Variants in BMP5 observed in about 807,000 individuals in gnomAD.
BMP5 encodes the protein bone morphogenetic protein 5.
A neutral mutation model predicts 46.6 loss-of-function variants in BMP5; 23 were observed. The observed-to-expected ratio is 0.49, with a 90% CI of 0.35 to 0.70. The LOEUF is 0.70. BMP5 is among the 30% of genes least tolerant of loss of function. The probability of loss-of-function intolerance (pLI) is 0.00; values close to 1 mark genes in which losing one functional copy is unlikely to be tolerated. For missense variants in BMP5, 545 were observed against 565.6 expected (o/e 0.96, Z 0.37); for synonymous variants, 204 against 191.9 (o/e 1.06, Z -0.52).
rs545063174 is a variant in BMP5, at chr6:55,756,640, T to C, written c.1216-958A>G. On this transcript the variant is annotated intron_variant, in intron 6 of 6. Transcript: ENST00000370830. ...ATACAGCCTCTTACAGTTTTGGCTG[T>C]ACAACGTCCTGGCTGAAATGATATA... 2.2e-4 allele frequency among the ~76,000 whole-genome samples: 33 copies of C among 152,002 alleles called. No homozygotes were observed. In the South Asian group the frequency reaches 5.6e-3, roughly 26 times the overall value.
intron 3 of BMP5, among the ~76,000 whole-genome samples, chr6:55,777,248 C>G (rs1458855971): frequency 6.6e-6 from 1 of 151,646 alleles, no homozygotes; most frequent in African/African-American, 2.4e-5. Context: ...CTGAGAGAAA[C>G]CCAGACTACA....
chr6:55,780,704 G>A (rs1354353539), intron 3 of BMP5, among the ~76,000 whole-genome samples: 1 of 151,968 alleles, frequency 6.6e-6, no homozygotes, highest in Non-Finnish European at 1.5e-5. Flanking sequence ...GGGATATTTG[G>A]TCAGAAACAT....
At position 55,764,344 on chromosome 6, in the gene BMP5, A is replaced by C. The variant is rs568979571; in HGVS notation, c.1028-3811T>G. Among the ~76,000 whole-genome samples, 28 of 152,178 alleles carry C rather than the reference A, an allele frequency of 1.8e-4. No homozygotes were observed. In the East Asian group the frequency reaches 1.9e-3, roughly 11 times the overall value. ...ATCCCAGCACTTTGGGAGGCCAAGG[A>C]GGGCGGATCACGAGGTCAGAAGATC... On this transcript the variant is annotated intron_variant, in intron 4 of 6. Coordinates refer to ENST00000370830, the MANE Select transcript of BMP5 (RefSeq NM_021073.4).
chr6:55,771,225 T>C (rs1775039817), intron 4 of BMP5, among the ~76,000 whole-genome samples: 1 of 151,884 alleles, frequency 6.6e-6, no homozygotes, highest in Non-Finnish European at 1.5e-5. Context: ...CATCATGTTC[T>C]GGAGGTTTTT....
At chr6:55,804,733 G>T (rs1225380532) in intron 2 of BMP5, among the ~76,000 whole-genome samples, 2 of 152,010 alleles carry the variant, frequency 1.3e-5, no homozygotes, top group Non-Finnish European at 2.9e-5. Flanking sequence ...AGAAAGAGAA[G>T]GAATTGAAAG....
At position 55,774,155 on chromosome 6, in the gene BMP5, C is replaced by A. The variant is rs575324695; in HGVS notation, c.921G>T (p.Ala307=). The change falls in exon 4 of 7, where the codon GCG becomes GCT. Residue 307 remains alanine (A), a synonymous_variant. Coordinates refer to ENST00000370830, the MANE Select transcript of BMP5 (RefSeq NM_021073.4). Reference sequence around the variant, plus strand: ...TCACGGATCGAAGAAGTACCTCACTCGCCTTGAAGAAGGCCACCATGAATG... The same window carrying A: ...TCACGGATCGAAGAAGTACCTCACTAGCCTTGAAGAAGGCCACCATGAATG... ...KQPFMVAFFK[A]SEVLLRSVRA... The A allele has an allele frequency of 1.9e-6, 3 of 1,613,128 alleles. No homozygotes were observed. In the Admixed American group the frequency reaches 5.0e-5, roughly 27 times the overall value.
In BMP5 at chr6:55,797,959, A is replaced by C. The variant is rs559662819; in HGVS notation, c.684-3532T>G. 2.0e-5 allele frequency among the ~76,000 whole-genome samples: 3 copies of C among 152,194 alleles called. No homozygotes were observed. In the South Asian group the frequency reaches 6.2e-4, roughly 32 times the overall value. On this transcript the variant is annotated intron_variant, in intron 2 of 6. Coordinates refer to ENST00000370830, the MANE Select transcript of BMP5 (RefSeq NM_021073.4). Reference sequence around the variant, plus strand: ...AACAAAATACCAGACTAGAGTTTGCAATTGATTTTCTCTCATTTCTGGAGG... The same window carrying C: ...AACAAAATACCAGACTAGAGTTTGCCATTGATTTTCTCTCATTTCTGGAGG...
chr6:55,865,456 CT>C, intron 1 of BMP5: 2 of 492,920 alleles, frequency 4.1e-6, no homozygotes, highest in Non-Finnish European at 8.1e-6. Context: ...GAAAATGTTG[CT>C]TTTGGGTCCT....
intron 1 of BMP5, among the ~76,000 whole-genome samples, chr6:55,838,235 T>G (rs1369143408): frequency 6.6e-6 from 1 of 152,166 alleles, no homozygotes; most frequent in Non-Finnish European, 1.5e-5. Flanking sequence ...TCCATAGTGG[T>G]TATACTAATT....
intron 1 of BMP5, among the ~76,000 whole-genome samples, chr6:55,825,317 C>A (rs191818535): frequency 1.3e-5 from 2 of 151,882 alleles, no homozygotes; most frequent in Admixed American, 6.6e-5. Context: ...AAATAGAAAA[C>A]TCAACTGCAC....
At chr6:55,803,694 T>C (rs9475411) in intron 2 of BMP5, among the ~76,000 whole-genome samples, 7 of 152,214 alleles carry the variant, frequency 4.6e-5, no homozygotes, top group African/African-American at 9.6e-5. Context: ...CCACAATTCC[T>C]TCTGCAAGAT....
chr6:55,833,380 A>G (rs1254597156), intron 1 of BMP5, among the ~76,000 whole-genome samples: 2 of 152,220 alleles, frequency 1.3e-5, no homozygotes, highest in African/African-American at 4.8e-5. Context: ...ACATATCAAC[A>G]TCACTAACCA....
At chr6:55,794,167 T>A in intron 3 of BMP5, 112 bp downstream of exon 3, 1 of 1,179,878 alleles carries the variant, frequency 8.5e-7, no homozygotes, top group Admixed American at 2.1e-5. Context: ...TAGAATGCGT[T>A]GACTTGGACA....
chr6:55,804,080 A>G (rs1284978978), intron 2 of BMP5, among the ~76,000 whole-genome samples: 2 of 152,232 alleles, frequency 1.3e-5, no homozygotes, highest in Admixed American at 1.3e-4. Flanking sequence ...CTTATCAATC[A>G]CTATCTAGCT....
At chr6:55,799,821 A>G (rs752156123) in intron 2 of BMP5, among the ~76,000 whole-genome samples, 22 of 151,966 alleles carry the variant, frequency 1.4e-4, no homozygotes, top group Non-Finnish European at 3.2e-4. Flanking sequence ...CCTATTAAAT[A>G]TTTCTTCCAA....
intron 2 of BMP5, among the ~76,000 whole-genome samples, chr6:55,799,716 T>C (rs921323168): frequency 6.6e-6 from 1 of 152,208 alleles, no homozygotes; most frequent in Non-Finnish European, 1.5e-5. Flanking sequence ...ACAGCTCCCT[T>C]CTGAACCATC....
intron 1 of BMP5, among the ~76,000 whole-genome samples, chr6:55,841,999 A>G (rs1384195233): frequency 6.6e-6 from 1 of 152,102 alleles, no homozygotes; most frequent in Non-Finnish European, 1.5e-5. Context: ...GCTAATTCAA[A>G]TATCTGTATC....
chr6:55,806,579 A>G (rs1037232962), intron 2 of BMP5, among the ~76,000 whole-genome samples: 4 of 152,178 alleles, frequency 2.6e-5, no homozygotes, highest in African/African-American at 9.7e-5. Flanking sequence ...TATGAAATTT[A>G]AAGTAGTTTT....
intron 1 of BMP5, among the ~76,000 whole-genome samples, chr6:55,864,532 C>G (rs1777595396): frequency 6.6e-6 from 1 of 152,012 alleles, no homozygotes; most frequent in Non-Finnish European, 1.5e-5. Flanking sequence ...GAATGGGCTG[C>G]CTGATCTTAG....
Sources: gnomAD v4.1 joint callset for allele counts (sites outside exome capture counted in the v4.1 genomes callset) on GRCh38, gnomAD v4.1.1 for gene constraint, MANE v1.5 for transcripts, NCBI Gene and HGNC (gene_info 2026-07-23, HGNC 2026-07-21) for gene names.